DSCAM: variants seen among roughly 807,000 people sequenced by gnomAD.
DSCAM encodes DS cell adhesion molecule.
A neutral mutation model predicts 217.7 loss-of-function variants in DSCAM; 47 were observed. The observed-to-expected ratio is 0.22, with a 90% CI of 0.17 to 0.28. The LOEUF is 0.28. Ranked by LOEUF, DSCAM falls within the 10% of genes least tolerant of loss-of-function variation. The pLI is 1.00. For synonymous variants in DSCAM, 1,056 were observed against 1,015.3 expected, an observed-to-expected ratio of 1.04 and a Z score of -0.76; for missense variants, 2,080 against 2,618.3, an observed-to-expected ratio of 0.79 and a Z score of 4.49.
At chr21:40,720,091 A>G (rs1016599993) in intron 1 of DSCAM, among the ~76,000 whole-genome samples, 1 of 152,232 alleles carries the variant, frequency 6.6e-6, no homozygotes, top group Non-Finnish European at 1.5e-5. Flanking sequence ...CAGAGAGGTC[A>G]GAAAACATGA....
At chr21:40,806,729 G>A (rs896750618) in intron 1 of DSCAM, among the ~76,000 whole-genome samples, 3 of 152,190 alleles carry the variant, frequency 2.0e-5, no homozygotes, top group Non-Finnish European at 4.4e-5. Flanking sequence ...ATCAGTGATA[G>A]ACTGGATAAA....
intron 16 of DSCAM, among the ~76,000 whole-genome samples, chr21:40,158,410 C>CA (rs899543102): frequency 1.3e-5 from 2 of 151,730 alleles, no homozygotes; most frequent in East Asian, 1.9e-4. Flanking sequence ...AAAACAAAAA[C>CA]AAAAAAACAA....
At chr21:40,621,036 A>G (rs1287028528) in intron 3 of DSCAM, among the ~76,000 whole-genome samples, 1 of 152,250 alleles carries the variant, frequency 6.6e-6, no homozygotes, top group East Asian at 1.9e-4. Flanking sequence ...AGCAAAATAT[A>G]GAGACAGAAA....
Position 40,042,575 on chromosome 21 carries a change from T to G in DSCAM, c.5482A>C (p.Arg1828=), listed in dbSNP as rs1245691517. The stretch of plus-strand genomic sequence containing the variant: ...TCCGTGATGGTGAACTTGGCGTGCC[T>G]CAGTTGCTCTTCCATCTTGGCGTGT... The part of the protein sequence containing the change: ...YEHAKMEEQL[R]HAKFTITECF... Residue 1828 remains arginine, a synonymous_variant, in exon 32 of 33, where the codon AGG becomes CGG. Coordinates refer to ENST00000400454, the MANE Select transcript of DSCAM (RefSeq NM_001389.5). 1.2e-6 allele frequency: 2 copies of G among 1,614,044 alleles called. No individual in the cohort carries two copies. Among genetic ancestry groups the G allele is most frequent in the Non-Finnish European group, 1.7e-6 (2 of 1,180,044 alleles).
chr21:40,150,463 A>G (rs2090412942), intron 16 of DSCAM, among the ~76,000 whole-genome samples: 2 of 152,268 alleles, frequency 1.3e-5, no homozygotes, highest in South Asian at 4.1e-4. Flanking sequence ...TTTAAATTAA[A>G]GAAATCCTTG....
intron 10 of DSCAM, among the ~76,000 whole-genome samples, chr21:40,294,407 G>C (rs1355772592): frequency 3.3e-5 from 5 of 152,174 alleles, no homozygotes; most frequent in Admixed American, 6.5e-5. Context: ...AGGTTGTAAA[G>C]ACTATTTAAA....
chr21:40,681,167 AG>A (rs1021748591), intron 3 of DSCAM, among the ~76,000 whole-genome samples: 1 of 152,176 alleles, frequency 6.6e-6, no homozygotes, highest in African/African-American at 2.4e-5. Context: ...TTTCCTTTTG[AG>A]GAAGGAAACA....
intron 3 of DSCAM, among the ~76,000 whole-genome samples, chr21:40,585,419 C>CAAAAAAA (rs71186946): frequency 1.0e-3 from 88 of 86,562 alleles, no homozygotes; most frequent in African/African-American, 1.8e-3. Context: ...GACTCCGTCT[C>CAAAAAAA]AAAAAAAAAA....
At chr21:40,322,515 G>A (rs2074270380) in intron 8 of DSCAM, among the ~76,000 whole-genome samples, 1 of 123,190 alleles carries the variant, frequency 8.1e-6, no homozygotes, top group South Asian at 3.1e-4. Context: ...ATAGAAAGCG[G>A]GAGCAATTTT....
At chr21:40,504,428 G>A (rs1183647789) in intron 3 of DSCAM, among the ~76,000 whole-genome samples, 1 of 152,034 alleles carries the variant, frequency 6.6e-6, no homozygotes, top group African/African-American at 2.4e-5. Context: ...GCCCTCCCTC[G>A]GGAGAACAGT....
chr21:40,361,252 AC>A (rs1389947046), intron 4 of DSCAM, among the ~76,000 whole-genome samples: 3 of 152,044 alleles, frequency 2.0e-5, no homozygotes, highest in Non-Finnish European at 4.4e-5. Context: ...CTGGCACCAA[AC>A]CTTTTCTATT....
At chr21:40,831,680 G>A (rs1340593592) in intron 1 of DSCAM, among the ~76,000 whole-genome samples, 1 of 152,152 alleles carries the variant, frequency 6.6e-6, no homozygotes, top group Non-Finnish European at 1.5e-5. Flanking sequence ...ATTCTATCCT[G>A]TAATATGAAT....
intron 1 of DSCAM, among the ~76,000 whole-genome samples, chr21:40,845,897 A>G (rs116388831): frequency 0.021 from 3,184 of 152,262 alleles, 109 homozygotes; most frequent in African/African-American, 0.072. Context: ...AGCTTTCTAA[A>G]TACCCAGGAA....
At chr21:40,022,378 CT>C (rs2146424708) in intron 32 of DSCAM, among the ~76,000 whole-genome samples, 1 of 152,350 alleles carries the variant, frequency 6.6e-6, no homozygotes, top group African/African-American at 2.4e-5. Flanking sequence ...AACGGTGCTG[CT>C]GTTGAGAAAC....
chr21:40,135,074 T>A (rs16999355), intron 18 of DSCAM, among the ~76,000 whole-genome samples: 1 of 152,216 alleles, frequency 6.6e-6, no homozygotes, highest in African/African-American at 2.4e-5. Context: ...AAGTACTTCC[T>A]TGGTGTTTGG....
rs534038387 is a variant in DSCAM, at chr21:40,338,625, T to C, written c.1508-249A>G. Among the ~76,000 whole-genome samples, 3 of 152,364 alleles carry C rather than the reference T, an allele frequency of 2.0e-5. No homozygotes were observed. In the South Asian group the frequency reaches 6.2e-4, roughly 32 times the overall value. On this transcript the variant is annotated intron_variant, in intron 7 of 32. Coordinates refer to ENST00000400454, the MANE Select transcript of DSCAM (RefSeq NM_001389.5). Reference sequence around the variant, plus strand: ...TATGAAAATGTTTTGAATTAAAAATTACAAGATAAAAGGCAATTTAATTAA... The same window carrying C: ...TATGAAAATGTTTTGAATTAAAAATCACAAGATAAAAGGCAATTTAATTAA...
intron 1 of DSCAM, among the ~76,000 whole-genome samples, chr21:40,717,996 G>A (rs1215350718): frequency 6.6e-6 from 1 of 152,076 alleles, no homozygotes; most frequent in Non-Finnish European, 1.5e-5. Context: ...TGAGAAGGGA[G>A]AAAAAAGGCC....
At chr21:40,662,149 C>T (rs139847854) in intron 3 of DSCAM, among the ~76,000 whole-genome samples, 118 of 151,076 alleles carry the variant, frequency 7.8e-4, no homozygotes, top group Admixed American at 4.0e-3. Context: ...CAAACAAAAA[C>T]ACAACACTGT....
At chr21:40,780,423 G>GTGTGTGTGTATATA (rs1007015659) in intron 1 of DSCAM, among the ~76,000 whole-genome samples, 1 of 56,418 alleles carries the variant, frequency 1.8e-5, no homozygotes, top group African/African-American at 7.7e-5. Flanking sequence ...GTGTGTGTGT[G>GTGTGTGTGTATATA]TATATATATA....
Sources: allele counts gnomAD v4.1 joint callset (sites outside exome capture counted in the v4.1 genomes callset), GRCh38; gene constraint gnomAD v4.1.1; transcripts MANE v1.5; gene names NCBI Gene and HGNC (gene_info 2026-07-23, HGNC 2026-07-21).